The following TRPC4 variants were observed in gnomAD, a reference collection of about 807,000 sequenced individuals.
TRPC4 encodes the protein short transient receptor potential channel 4.
Under a neutral mutation model 99.4 loss-of-function variants are expected in TRPC4, and 49 were observed. The ratio of observed to expected loss-of-function variants is 0.49; its 90% CI spans 0.39 to 0.63. The LOEUF (loss-of-function observed/expected upper bound fraction) is 0.63, where lower values mean the gene tolerates loss of function less well. Among genes scored for constraint, TRPC4 ranks in the 20% least tolerant of loss-of-function variants. TRPC4 has a pLI of 0.00. For missense variants in TRPC4, 898 were observed against 1,152.9 expected, an observed-to-expected ratio of 0.78 and a Z score of 3.20; for synonymous variants, 454 against 425.9, an observed-to-expected ratio of 1.07 and a Z score of -0.81.
At chr13:37,647,218 C>T (rs1166023112) in intron 8 of TRPC4, among the ~76,000 whole-genome samples, 1 of 152,116 alleles carries the variant, frequency 6.6e-6, no homozygotes, top group East Asian at 1.9e-4. Flanking sequence ...AGCAGGGTGA[C>T]ATTTACTCAA....
intron 10 of TRPC4, among the ~76,000 whole-genome samples, chr13:37,637,943 A>G (rs1417238024): frequency 6.6e-6 from 1 of 152,106 alleles, no homozygotes; most frequent in Non-Finnish European, 1.5e-5. Flanking sequence ...CAAATTATTC[A>G]TCTGCTGCCA....
rs544677774 is a variant in TRPC4 at position 37,656,121 on chromosome 13, A to G, written c.1689-838T>C. Among the ~76,000 whole-genome samples, 54 of 152,250 alleles carry G rather than the reference A, an allele frequency of 3.5e-4. No individual in the cohort carries two copies. In the South Asian group the frequency reaches 5.0e-3, roughly 14 times the overall value. ...TCTAGCCAATGAATGAACTCTGGCT[A>G]TTTTATTGAAAATAATGTCCCTTTA... On this transcript the variant is annotated intron_variant, in intron 6 of 10. Transcript: ENST00000379705.
intron 4 of TRPC4, among the ~76,000 whole-genome samples, chr13:37,677,590 G>A (rs923236657): frequency 6.6e-6 from 1 of 152,056 alleles, no homozygotes; most frequent in Non-Finnish European, 1.5e-5. Context: ...ATAAAAAGGC[G>A]AATTTGCTGA....
intron 1 of TRPC4, among the ~76,000 whole-genome samples, chr13:37,864,079 A>T (rs1057138479): frequency 1.3e-5 from 2 of 151,692 alleles, no homozygotes; most frequent in African/African-American, 4.8e-5. Flanking sequence ...AATGAAGTAG[A>T]ATGAAAATAA....
At chr13:37,637,652 C>T (rs1176815123) in intron 10 of TRPC4, 27 bp from the exon 11 acceptor site, 2 of 1,541,344 alleles carry the variant, frequency 1.3e-6, no homozygotes, top group Non-Finnish European at 1.7e-6. Flanking sequence ...ATGAAAAATT[C>T]GGTTATGACT....
chr13:37,798,200 G>A (rs1957306306), intron 1 of TRPC4, among the ~76,000 whole-genome samples: 1 of 152,034 alleles, frequency 6.6e-6, no homozygotes. Flanking sequence ...TCTAGGAGGT[G>A]GCATAAAGTA....
intron 2 of TRPC4, among the ~76,000 whole-genome samples, chr13:37,750,097 A>T (rs1955890655): frequency 6.6e-6 from 1 of 152,060 alleles, no homozygotes; most frequent in African/African-American, 2.4e-5. Flanking sequence ...CAAAATATGT[A>T]CTCTTTATGT....
At chr13:37,775,072 C>A (rs575855748) in intron 2 of TRPC4, among the ~76,000 whole-genome samples, 1 of 151,638 alleles carries the variant, frequency 6.6e-6, no homozygotes, top group East Asian at 2.0e-4. Flanking sequence ...TAAAATGACC[C>A]CACAAAATCT....
At chr13:37,854,130 T>A (rs557871390) in intron 1 of TRPC4, among the ~76,000 whole-genome samples, 11 of 152,128 alleles carry the variant, frequency 7.2e-5, no homozygotes, top group African/African-American at 2.6e-4. Context: ...AAACATTTAA[T>A]ATTGAATTCC....
At chr13:37,803,703 T>C (rs1160833423) in intron 1 of TRPC4, among the ~76,000 whole-genome samples, 1 of 152,014 alleles carries the variant, frequency 6.6e-6, no homozygotes, top group Non-Finnish European at 1.5e-5. Flanking sequence ...AATAGATAAC[T>C]ATGAAGATCC....
At chr13:37,756,535 CT>C (rs34355727) in intron 2 of TRPC4, among the ~76,000 whole-genome samples, 41,107 of 137,058 alleles carry the variant, frequency 0.3, 6,591 homozygotes, top group East Asian at 0.76. Context: ...TTTTTTTTTT[CT>C]TTTTTTTTTT....
intron 3 of TRPC4, among the ~76,000 whole-genome samples, chr13:37,733,381 C>A (rs1326680745): frequency 2.0e-5 from 3 of 152,134 alleles, no homozygotes; most frequent in Non-Finnish European, 2.9e-5. Flanking sequence ...CAGCACCTCT[C>A]AATTTGCATT....
At chr13:37,850,446 G>C (rs532083132) in intron 1 of TRPC4, among the ~76,000 whole-genome samples, 1 of 152,302 alleles carries the variant, frequency 6.6e-6, no homozygotes, top group East Asian at 1.9e-4. Context: ...TGATGTGAAA[G>C]ATGGTAATTT....
chr13:37,697,710 G>A (rs1953955215), intron 3 of TRPC4, among the ~76,000 whole-genome samples: 1 of 152,160 alleles, frequency 6.6e-6, no homozygotes, highest in South Asian at 2.1e-4. Context: ...AAGGCTGTTA[G>A]AGATGGAGAA....
chr13:37,678,256 A>C (rs761250936), intron 4 of TRPC4, among the ~76,000 whole-genome samples: 27 of 152,050 alleles, frequency 1.8e-4, no homozygotes, highest in Non-Finnish European at 3.7e-4. Flanking sequence ...AGAAAGAAGA[A>C]AATAACAAAG....
intron 1 of TRPC4, among the ~76,000 whole-genome samples, chr13:37,843,512 G>C (rs1410613305): frequency 6.6e-6 from 1 of 152,104 alleles, no homozygotes; most frequent in Non-Finnish European, 1.5e-5. Context: ...ACTAGAAGAA[G>C]GTTTGCAGAA....
chr13:37,758,121 A>G (rs889247639), intron 2 of TRPC4, among the ~76,000 whole-genome samples: 4 of 151,920 alleles, frequency 2.6e-5, no homozygotes, highest in African/African-American at 9.7e-5. Flanking sequence ...TATTTGTTGC[A>G]GTTCTCTGCT....
At chr13:37,805,941 G>C (rs1409166780) in intron 1 of TRPC4, among the ~76,000 whole-genome samples, 3 of 151,910 alleles carry the variant, frequency 2.0e-5, no homozygotes, top group African/African-American at 7.3e-5. Context: ...TTGAGATTAA[G>C]GTAATGTGTT....
chr13:37,740,558 T>C (rs985851304), intron 3 of TRPC4, among the ~76,000 whole-genome samples: 1 of 152,170 alleles, frequency 6.6e-6, no homozygotes, highest in Non-Finnish European at 1.5e-5. Flanking sequence ...ATTTGTTATT[T>C]AACTGCTTTA....
Sources: gnomAD v4.1 joint callset for allele counts (sites outside exome capture counted in the v4.1 genomes callset) on GRCh38, gnomAD v4.1.1 for gene constraint, MANE v1.5 for transcripts, NCBI Gene and HGNC (gene_info 2026-07-23, HGNC 2026-07-21) for gene names.